Variants in CACHD1 observed in about 807,000 individuals in gnomAD.
The protein encoded by CACHD1 is cache domain containing 1, also known as VWFA and cache domain-containing protein 1.
In CACHD1, 71 loss-of-function variants were observed where a neutral mutation model predicts 138.7. The observed-to-expected ratio is 0.51, with a 90% CI of 0.42 to 0.62. CACHD1 has a LOEUF of 0.62. Among genes scored for constraint, CACHD1 ranks in the 20% least tolerant of loss-of-function variants. The probability of loss-of-function intolerance (pLI) is 0.00; values close to 1 mark genes in which losing one functional copy is unlikely to be tolerated. For missense variants in CACHD1, 1,389 were observed against 1,625.3 expected, an observed-to-expected ratio of 0.85 and a Z score of 2.50; for synonymous variants, 578 against 591.5, an observed-to-expected ratio of 0.98 and a Z score of 0.33.
chr1:64,614,967 G>A (rs1647661176), intron 4 of CACHD1, among the ~76,000 whole-genome samples: 1 of 151,982 alleles, frequency 6.6e-6, no homozygotes, highest in Non-Finnish European at 1.5e-5. Flanking sequence ...AGCCTCTGAT[G>A]GCTCCCTTTA....
chr1:64,653,872 A>T lies in CACHD1; in HGVS notation c.1655A>T (p.Asn552Ile). Reference sequence around the variant, plus strand: ...CCAAAATTTGAATTAGTTCGGCAAAATATCCTAAGGTAAGGAAAAGGTGAG... The same window carrying T: ...CCAAAATTTGAATTAGTTCGGCAAATTATCCTAAGGTAAGGAAAAGGTGAG... ...NIPKFELVRQ[N>I]ILSLPLGSQI... Residue 552 changes from asparagine to isoleucine, a missense_variant, in exon 11 of 27, where the codon AAT (asparagine) becomes ATT (isoleucine). Coordinates refer to ENST00000651257, the MANE Select transcript of CACHD1 (RefSeq NM_020925.4). 1 of 1,613,132 alleles carries T rather than the reference A, an allele frequency of 6.2e-7. No individual in the cohort carries two copies. Among genetic ancestry groups the T allele is most frequent in the Non-Finnish European group, 8.5e-7 (1 of 1,179,538 alleles).
Position 64,500,398 on chromosome 1 carries a change from C to A in CACHD1, c.198+29456C>A, listed in dbSNP as rs189978389. On this transcript the variant is annotated intron_variant, in intron 1 of 26. Transcript: ENST00000651257. ...TTTTTGGTGTTGCAAAAAAAGAATG[C>A]CTTTTTATAATCTTCGAAGAACTTT... Among the ~76,000 whole-genome samples the A allele has an allele frequency of 2.0e-5, 3 of 152,274 alleles. No individual in the cohort carries two copies. In the East Asian group the frequency reaches 5.8e-4, roughly 29 times the overall value.
chr1:64,626,633 C>T (rs1194046190), intron 4 of CACHD1, among the ~76,000 whole-genome samples: 4 of 152,192 alleles, frequency 2.6e-5, no homozygotes, highest in African/African-American at 9.7e-5. Context: ...TCTCACTCCC[C>T]TCCTCTTGCA....
At chr1:64,619,702 GA>G (rs1225711429) in intron 4 of CACHD1, among the ~76,000 whole-genome samples, 1 of 152,032 alleles carries the variant, frequency 6.6e-6, no homozygotes, top group African/African-American at 2.4e-5. Flanking sequence ...TGGTTTAGTA[GA>G]AAGTGTTCTA....
intron 16 of CACHD1, 21 bp downstream of exon 16, chr1:64,666,188 A>G (rs1407587722): frequency 6.9e-7 from 1 of 1,438,860 alleles, no homozygotes; most frequent in African/African-American, 1.5e-5. Context: ...AACTAACTTT[A>G]TAGTCATTTC....
rs954426076 is a variant in CACHD1 at position 64,470,540 on chromosome 1, G to A, written c.-205G>A. On this transcript the variant is annotated 5_prime_UTR_variant, in exon 1 of 27. Coordinates refer to ENST00000651257, the MANE Select transcript of CACHD1 (RefSeq NM_020925.4). The surrounding 1 kb of genome is among the most constrained non-coding windows in gnomAD (Gnocchi z 5.2). The stretch of plus-strand genomic sequence containing the variant: ...GCCGCCTCCTACCCCCACCGCCGCG[G>A]AGCCCCGCGATGGTGGCCGCCCGCG... Among the ~76,000 whole-genome samples the A allele has an allele frequency of 1.3e-5, 2 of 151,812 alleles. No homozygotes were observed. Among genetic ancestry groups the A allele is most frequent in the South Asian group, 4.1e-4 (2 of 4,832 alleles).
intron 1 of CACHD1, among the ~76,000 whole-genome samples, chr1:64,541,958 A>G (rs933441412): frequency 4.0e-5 from 6 of 149,026 alleles, no homozygotes; most frequent in Non-Finnish European, 8.9e-5. Context: ...TAACTATAGT[A>G]AAATAGAATA....
At chr1:64,475,725 T>C (rs1646171246) in intron 1 of CACHD1, among the ~76,000 whole-genome samples, 1 of 152,052 alleles carries the variant, frequency 6.6e-6, no homozygotes, top group Non-Finnish European at 1.5e-5. Context: ...TTTTTTTGTA[T>C]TTTTAGTAGA....
chr1:64,502,442 AT>A (rs1169409786), intron 1 of CACHD1, among the ~76,000 whole-genome samples: 1 of 152,038 alleles, frequency 6.6e-6, no homozygotes, highest in African/African-American at 2.4e-5. Context: ...TTATTACTGA[AT>A]TCCAGCCACG....
chr1:64,604,313 A>G (rs1396880078), intron 4 of CACHD1, among the ~76,000 whole-genome samples: 4 of 152,224 alleles, frequency 2.6e-5, no homozygotes, highest in Admixed American at 2.6e-4. Flanking sequence ...AACCCTCTGT[A>G]GCAAGTGAGG....
At chr1:64,491,361 T>A (rs923739946) in intron 1 of CACHD1, among the ~76,000 whole-genome samples, 1 of 152,134 alleles carries the variant, frequency 6.6e-6, no homozygotes, top group African/African-American at 2.4e-5. Context: ...GAAAACAAGT[T>A]TAATTGACTC....
intron 24 of CACHD1, among the ~76,000 whole-genome samples, chr1:64,679,981 C>T (rs529668176): frequency 1.3e-5 from 2 of 152,320 alleles, no homozygotes; most frequent in South Asian, 2.1e-4. Flanking sequence ...CCAGCATTAG[C>T]CCCCAGTGGC....
chr1:64,594,965 A>G (rs1262923722), intron 3 of CACHD1, among the ~76,000 whole-genome samples: 1 of 152,226 alleles, frequency 6.6e-6, no homozygotes, highest in Non-Finnish European at 1.5e-5. Flanking sequence ...CTCTAGCTTT[A>G]TTAACTTGTT....
At chr1:64,478,339 G>C (rs1646188833) in intron 1 of CACHD1, among the ~76,000 whole-genome samples, 1 of 152,124 alleles carries the variant, frequency 6.6e-6, no homozygotes, top group Admixed American at 6.6e-5. Flanking sequence ...TTTTCTTAAA[G>C]GCTGGCATAT....
At chr1:64,479,792 T>C (rs1322102854) in intron 1 of CACHD1, among the ~76,000 whole-genome samples, 1 of 152,170 alleles carries the variant, frequency 6.6e-6, no homozygotes, top group East Asian at 1.9e-4. Flanking sequence ...GGTTCTCCCC[T>C]CTATTTCAAT....
At chr1:64,663,024 A>G (rs1004669616) in intron 13 of CACHD1, among the ~76,000 whole-genome samples, 1 of 152,238 alleles carries the variant, frequency 6.6e-6, no homozygotes, top group Admixed American at 6.5e-5. Flanking sequence ...CAAATGAGAG[A>G]AACACTACAT....
At chr1:64,519,912 T>A (rs1646486049) in intron 1 of CACHD1, among the ~76,000 whole-genome samples, 1 of 152,232 alleles carries the variant, frequency 6.6e-6, no homozygotes, top group East Asian at 1.9e-4. Flanking sequence ...CCTTGCCACC[T>A]ACTTATAGCT....
At position 64,550,587 on chromosome 1, in the gene CACHD1, A is replaced by G. The variant is rs774914240; in HGVS notation, c.199-7A>G. ...AAAATCTCATGTTCATTTTCTTTTC[A>G]TTGCAGCGGATATTCAACTCCTTTG... On this transcript the variant is annotated splice_region_variant and splice_polypyrimidine_tract_variant and intron_variant, in intron 1 of 26. Coordinates refer to ENST00000651257, the MANE Select transcript of CACHD1 (RefSeq NM_020925.4). The G allele has an allele frequency of 1.2e-5, 20 of 1,604,246 alleles. No individual in the cohort carries two copies. Among genetic ancestry groups the G allele is most frequent in the Non-Finnish European group, 1.6e-5 (19 of 1,171,728 alleles).
chr1:64,492,850 A>T (rs532230757), intron 1 of CACHD1, among the ~76,000 whole-genome samples: 33 of 152,338 alleles, frequency 2.2e-4, no homozygotes, highest in South Asian at 6.2e-4. Flanking sequence ...CAGCTCTGAC[A>T]TAGCCTTCTC....
Sources: allele counts gnomAD v4.1 joint callset (sites outside exome capture counted in the v4.1 genomes callset), GRCh38; gene constraint gnomAD v4.1.1; non-coding constraint Gnocchi (gnomAD v3.1); transcripts MANE v1.5; gene names NCBI Gene and HGNC (gene_info 2026-07-23, HGNC 2026-07-21).